Variants in LTN1 observed in about 807,000 individuals in gnomAD.
LTN1 encodes listerin E3 ubiquitin protein ligase 1.
Under a neutral mutation model 201.2 loss-of-function variants are expected in LTN1, and 88 were observed. The observed-to-expected ratio is 0.44, with a 90% CI of 0.37 to 0.52. The LOEUF (loss-of-function observed/expected upper bound fraction) is 0.52, where lower values mean the gene tolerates loss of function less well. Among genes scored for constraint, LTN1 ranks in the 20% least tolerant of loss-of-function variants. The probability of loss-of-function intolerance (pLI) is 0.00; values close to 1 mark genes in which losing one functional copy is unlikely to be tolerated. For missense variants in LTN1, 1,752 were observed against 2,038.7 expected, an observed-to-expected ratio of 0.86 and a Z score of 2.71; for synonymous variants, 645 against 713.5, an observed-to-expected ratio of 0.90 and a Z score of 1.53.
At chr21:28,984,476 T>G (rs2084681866) in intron 4 of LTN1, among the ~76,000 whole-genome samples, 1 of 152,078 alleles carries the variant, frequency 6.6e-6, no homozygotes, top group African/African-American at 2.4e-5. Context: ...AAATGGAAAA[T>G]TTAAATACTG....
At chr21:28,943,427 ATGAG>A in intron 23 of LTN1, 91 bp from the exon 24 acceptor site, 1 of 780,006 alleles carries the variant, frequency 1.3e-6, no homozygotes, top group South Asian at 1.7e-5. Flanking sequence ...TTATTTTATA[ATGAG>A]TAAATGTTTT....
At chr21:28,963,221 G>T (rs555112221) in intron 11 of LTN1, among the ~76,000 whole-genome samples, 1 of 152,232 alleles carries the variant, frequency 6.6e-6, no homozygotes, top group Admixed American at 6.5e-5. Context: ...ATTAGAAGAA[G>T]ATGTCATCTA....
intron 20 of LTN1, 60 bp downstream of exon 20, chr21:28,946,092 T>C: frequency 1.3e-6 from 2 of 1,493,398 alleles, no homozygotes; most frequent in South Asian, 2.5e-5. Context: ...GTGACACAGA[T>C]ACGTAATCTT....
At chr21:28,964,724 T>C in intron 11 of LTN1, 1 of 1,550,450 alleles carries the variant, frequency 6.4e-7, no homozygotes, top group African/African-American at 1.4e-5. Context: ...AGGATTTTCT[T>C]CCACACAGAT....
Position 28,935,872 on chromosome 21 carries a change from T to C in LTN1, c.4655-543A>G, listed in dbSNP as rs191228530. Among the ~76,000 whole-genome samples, 669 of 149,172 alleles carry C rather than the reference T, an allele frequency of 4.5e-3. 3 individuals are homozygous for C. Among genetic ancestry groups the C allele is most frequent in the African/African-American group, 0.015 (604 of 40,702 alleles). ...AAAAAAAAAAAAGTGAAAATCCCAA[T>C]TGACACTGAAAAATCTACCTAGAAA... is the stretch of plus-strand genomic sequence containing the variant. On this transcript the variant is annotated intron_variant, in intron 26 of 29. Coordinates refer to ENST00000361371, the MANE Select transcript of LTN1 (RefSeq NM_015565.3).
intron 11 of LTN1, among the ~76,000 whole-genome samples, chr21:28,962,192 T>G (rs2084484547): frequency 6.6e-6 from 1 of 152,184 alleles, no homozygotes; most frequent in South Asian, 2.1e-4. Context: ...ATAAAATGCC[T>G]CTCGAGTTAG....
chr21:28,957,092 G>C, intron 15 of LTN1, 144 bp from the exon 16 acceptor site: 1 of 674,912 alleles, frequency 1.5e-6, no homozygotes. Context: ...ATCAACATGT[G>C]TATTTCTTTA....
chr21:28,975,499 T>C (rs2084607910), intron 6 of LTN1, among the ~76,000 whole-genome samples: 1 of 152,194 alleles, frequency 6.6e-6, no homozygotes, highest in South Asian at 2.1e-4. Context: ...AGTAAATATA[T>C]TAGGGTTTGC....
At chr21:28,934,506 C>T (rs774824374) in intron 27 of LTN1, among the ~76,000 whole-genome samples, 13 of 152,108 alleles carry the variant, frequency 8.5e-5, no homozygotes, top group Non-Finnish European at 1.8e-4. Context: ...GACACCTCCC[C>T]GCCTCTCTCC....
intron 4 of LTN1, among the ~76,000 whole-genome samples, chr21:28,984,246 T>C (rs1013966366): frequency 6.6e-5 from 10 of 152,098 alleles, no homozygotes; most frequent in Admixed American, 6.6e-4. Context: ...AATCCAAATG[T>C]ATATTAATCT....
At chr21:28,972,343 T>C (rs865878158) in intron 6 of LTN1, among the ~76,000 whole-genome samples, 47 of 152,234 alleles carry the variant, frequency 3.1e-4, no homozygotes, top group Middle Eastern at 6.8e-3. Context: ...CTGCAGGGGA[T>C]TGGATCAAGG....
chr21:28,980,664 G>C (rs186976379), intron 6 of LTN1, among the ~76,000 whole-genome samples: 1 of 151,590 alleles, frequency 6.6e-6, no homozygotes, highest in Non-Finnish European at 1.5e-5. Context: ...TGCATTTCCC[G>C]TAAGGGCAAT....
Position 28,984,942 on chromosome 21 carries a change from G to A in LTN1, c.346-20C>T. 1.9e-6 allele frequency: 3 copies of A among 1,554,840 alleles called. No individual in the cohort carries two copies. The highest frequency in any genetic ancestry group is 2.6e-6 in the Non-Finnish European group (3 of 1,132,560). ...ATGATCCTATTAAAAATATAAATGT[G>A]ATTTAAAATAGCTCTAGCCCATAAA... On this transcript the variant is annotated intron_variant, in intron 3 of 29. Transcript: ENST00000361371.
intron 28 of LTN1, among the ~76,000 whole-genome samples, chr21:28,932,151 T>G (rs2146251944): frequency 6.6e-6 from 1 of 152,244 alleles, no homozygotes; most frequent in South Asian, 2.1e-4. Flanking sequence ...AGAATAAAAG[T>G]GAAAGTAGCT....
rs781333721 is a variant in LTN1, at chr21:28,956,778, A to C, written c.3063T>G (p.Asn1021Lys). 3.1e-6 allele frequency: 5 copies of C among 1,593,168 alleles called. No individual in the cohort carries two copies. The highest frequency in any genetic ancestry group is 3.5e-5 in the Admixed American group (2 of 56,686). ...TATACTTACTTATTTTCTCAAGCTC[A>C]TTATTTTCTAAGACTGTTTCCTTTC... ...ALRKETVLENNELEKIIAELL... is the reference protein window; with the variant it reads ...ALRKETVLENKELEKIIAELL... Residue 1021 changes from asparagine (N) to lysine (K), a missense_variant, in exon 16 of 30, where the codon AAT (asparagine) becomes AAG (lysine). By Grantham distance (94) the Asn-to-Lys change is moderately conservative. Around this residue, in one of 3 missense-constraint regions of LTN1, gnomAD observed 1,211 missense variants for 1,312.8 expected, o/e 0.92. Transcript: ENST00000361371.
intron 16 of LTN1, among the ~76,000 whole-genome samples, chr21:28,954,372 C>G (rs879620831): frequency 3.3e-5 from 5 of 152,186 alleles, no homozygotes; most frequent in Admixed American, 3.3e-4. Context: ...TGCAAATTCT[C>G]TACCTTTAAT....
chr21:28,992,037 T>C (rs2146323647), intron 1 of LTN1, among the ~76,000 whole-genome samples: 1 of 152,322 alleles, frequency 6.6e-6, no homozygotes, highest in South Asian at 2.1e-4. Flanking sequence ...ACTTACGTCC[T>C]AGTGAACCAA....
rs2084193309 is a variant in LTN1, at chr21:28,929,377, A to T, written c.*1071T>A. On this transcript the variant is annotated 3_prime_UTR_variant, in exon 30 of 30. Coordinates refer to ENST00000361371, the MANE Select transcript of LTN1 (RefSeq NM_015565.3). ...TTTTATATTTTGGGCACAATTTTTA[A>T]GAGTGGCAAAAGGCAGGTTTTCACT... The T allele has an allele frequency of 6.6e-6, 1 of 152,558 alleles. No homozygotes were observed. Among genetic ancestry groups the T allele is most frequent in the Non-Finnish European group, 1.5e-5 (1 of 67,978 alleles). The allele number at this position is 152,558 out of a possible 1,614,324, so 9.5% of individuals were successfully genotyped here.
At chr21:28,938,330 T>A (rs1446176192) in intron 25 of LTN1, among the ~76,000 whole-genome samples, 1 of 152,222 alleles carries the variant, frequency 6.6e-6, no homozygotes, top group Non-Finnish European at 1.5e-5. Context: ...TGCAACTTAC[T>A]TTCAAGTAGA....
Sources: gnomAD v4.1 joint callset for allele counts (sites outside exome capture counted in the v4.1 genomes callset) on GRCh38, gnomAD v4.1.1 for gene constraint, gnomAD v4.1.1 regional missense constraint, MANE v1.5 for transcripts, NCBI Gene and HGNC (gene_info 2026-07-23, HGNC 2026-07-21) for gene names.